The following HEATR4 variants were observed in gnomAD, a reference collection of about 807,000 sequenced individuals.
The protein encoded by HEATR4 is HEAT repeat-containing protein 4.
A neutral mutation model predicts 108.8 loss-of-function variants in HEATR4; 95 were observed. The ratio of observed to expected loss-of-function variants is 0.87; its 90% CI spans 0.74 to 1.04. HEATR4 has a LOEUF of 1.04. Ranked by LOEUF, HEATR4 falls within the 50% of genes least tolerant of loss-of-function variation. HEATR4 has a pLI of 0.00. For synonymous variants in HEATR4, 443 were observed against 459.4 expected, an observed-to-expected ratio of 0.96 and a Z score of 0.46; for missense variants, 1,152 against 1,253.8, an observed-to-expected ratio of 0.92 and a Z score of 1.23.
At chr14:73,486,178 A>C (rs1189474396) in intron 17 of HEATR4, among the ~76,000 whole-genome samples, 1 of 152,132 alleles carries the variant, frequency 6.6e-6, no homozygotes, top group Admixed American at 6.6e-5. Context: ...ATGGGGTTTC[A>C]TTGTACATTG....
chr14:73,567,509 A>G, the HEATR4 span: 4 of 152,000 alleles, frequency 2.6e-5, no homozygotes, highest in Admixed American at 6.6e-5. Flanking sequence ...AAACGAACCA[A>G]TCAGCACTCT....
chr14:73,589,120 G>A, the HEATR4 span, among the ~76,000 whole-genome samples: 2 of 150,894 alleles, frequency 1.3e-5, no homozygotes, highest in Non-Finnish European at 2.9e-5. Context: ...TTTGCTTTAG[G>A]GTTCGTTTGT....
chr14:73,615,437 A>G, the HEATR4 span, among the ~76,000 whole-genome samples: 1 of 150,338 alleles, frequency 6.7e-6, no homozygotes, highest in South Asian at 2.1e-4. Context: ...GCAACAACGA[A>G]AAAAAAAACA....
the HEATR4 span, among the ~76,000 whole-genome samples, chr14:73,624,141 G>C: frequency 2.6e-5 from 4 of 151,894 alleles, no homozygotes; most frequent in Non-Finnish European, 5.9e-5. Context: ...TATATTTTTT[G>C]ATACGGCATC....
chr14:73,525,391 C>T (rs528916761), intron 2 of HEATR4, among the ~76,000 whole-genome samples: 9 of 152,278 alleles, frequency 5.9e-5, no homozygotes, highest in East Asian at 1.9e-4. Context: ...CCTCAAATTA[C>T]GTGACACATG....
the HEATR4 span, among the ~76,000 whole-genome samples, chr14:73,566,511 G>T: frequency 6.6e-6 from 1 of 152,178 alleles, no homozygotes; most frequent in African/African-American, 2.4e-5. Context: ...GCGAGAAATT[G>T]AGCACAGCGC....
chr14:73,576,793 CAAAAAAAAAA>C, the HEATR4 span, among the ~76,000 whole-genome samples: 8 of 12,096 alleles, frequency 6.6e-4, no homozygotes, highest in Admixed American at 4.5e-3. Context: ...GACACAGTCT[CAAAAAAAAAA>C]AAAAAAAAAA....
intron 17 of HEATR4, chr14:73,491,679 G>A (rs1278932990): frequency 6.5e-7 from 1 of 1,549,610 alleles, no homozygotes; most frequent in Admixed American, 2.0e-5. Context: ...TTTTACCGGC[G>A]CCTATGGGAG....
At chr14:73,481,548 T>G (rs1304674600) in intron 17 of HEATR4, among the ~76,000 whole-genome samples, 1 of 143,682 alleles carries the variant, frequency 7.0e-6, no homozygotes, top group Non-Finnish European at 1.5e-5. Context: ...GCTATAGAGA[T>G]AGTAAAAAAA....
chr14:73,500,699 G>T lies in HEATR4; in HGVS notation c.2137C>A (p.Arg713Ser), dbSNP rs747777053. 3 of 1,613,942 alleles carry T rather than the reference G, an allele frequency of 1.9e-6. No homozygotes were observed. The South Asian group carries it at 3.3e-5, about 18-fold the overall frequency. The change falls in exon 12 of 18, where the codon CGT (arginine) becomes AGT (serine). Residue 713 changes from arginine (R) to serine (S), a missense_variant. Coordinates refer to ENST00000553558, the MANE Select transcript of HEATR4 (RefSeq NM_001220484.1). ...CCTATCAGGTAGAGAGCTTCCACAC[G>T]CTCCTGGGAATTTCCTTGACCTAGC... The part of the protein sequence containing the change: ...VKLGQGNSQE[R>S]VEALYLIGEL...
At chr14:73,591,814 G>A in the HEATR4 span, 1 of 729,506 alleles carries the variant, frequency 1.4e-6, no homozygotes, top group Middle Eastern at 4.2e-4. Flanking sequence ...CCGGTCTGAA[G>A]TCCCAGGGGC....
the HEATR4 span, among the ~76,000 whole-genome samples, chr14:73,598,392 A>T: frequency 1.3e-5 from 2 of 149,114 alleles, no homozygotes; most frequent in Admixed American, 1.3e-4. Context: ...TCCGTCTCAA[A>T]AAAAAAAAAA....
At chr14:73,514,588 C>T (rs991151918) in intron 5 of HEATR4, among the ~76,000 whole-genome samples, 3 of 152,134 alleles carry the variant, frequency 2.0e-5, no homozygotes, top group Admixed American at 6.5e-5. Flanking sequence ...ATATTTGATA[C>T]GTTGCAATTT....
intron 17 of HEATR4, among the ~76,000 whole-genome samples, chr14:73,483,549 G>A (rs1211003428): frequency 6.6e-6 from 1 of 152,020 alleles, no homozygotes; most frequent in Non-Finnish European, 1.5e-5. Flanking sequence ...TTTTGTTGCA[G>A]ATGTGATGAT....
the HEATR4 span, among the ~76,000 whole-genome samples, chr14:73,605,142 A>C: frequency 1.4e-5 from 2 of 145,498 alleles, no homozygotes; most frequent in Non-Finnish European, 1.5e-5. Context: ...ATCCAAGAAG[A>C]AAAAAAAACA....
the HEATR4 span, among the ~76,000 whole-genome samples, chr14:73,570,975 A>ATTT: frequency 7.3e-6 from 1 of 136,576 alleles, no homozygotes; most frequent in African/African-American, 2.6e-5. Flanking sequence ...CTAGGAAGCC[A>ATTT]CTTTTTTTTT....
chr14:73,606,113 G>A, the HEATR4 span, among the ~76,000 whole-genome samples: 1 of 151,986 alleles, frequency 6.6e-6, no homozygotes, highest in African/African-American at 2.4e-5. Flanking sequence ...CACCCACCAA[G>A]TTGTCCATAA....
intron 7 of HEATR4, among the ~76,000 whole-genome samples, chr14:73,510,981 C>G (rs927174869): frequency 2.0e-5 from 3 of 152,156 alleles, no homozygotes; most frequent in Non-Finnish European, 4.4e-5. Flanking sequence ...TTCTCAGTCC[C>G]AATGTAATTT....
chr14:73,593,971 C>T, the HEATR4 span: 1 of 1,401,150 alleles, frequency 7.1e-7, no homozygotes, highest in Non-Finnish European at 9.7e-7. Context: ...GTAACCTTTA[C>T]CACGTGCAGA....
Sources: allele counts gnomAD v4.1 joint callset (sites outside exome capture counted in the v4.1 genomes callset), GRCh38; gene constraint gnomAD v4.1.1; transcripts MANE v1.5; gene names NCBI Gene and HGNC (gene_info 2026-07-23, HGNC 2026-07-21).